TAB3: variants seen among roughly 807,000 people sequenced by gnomAD.
TAB3 encodes the protein TGF-beta-activated kinase 1 and MAP3K7-binding protein 3.
In TAB3, 18 loss-of-function variants were observed where a neutral mutation model predicts 48.1. The observed-to-expected ratio is 0.37, with a 90% confidence interval of 0.26 to 0.55. The LOEUF (loss-of-function observed/expected upper bound fraction) is 0.55. TAB3 is among the 20% of genes least tolerant of loss of function. TAB3 has a pLI of 0.78. For synonymous variants in TAB3, 185 were observed against 190.2 expected (o/e 0.97, Z 0.22); for missense variants, 414 against 549.8 (o/e 0.75, Z 2.47).
Position 30,831,593 on chromosome X carries a change from T to C in TAB3, c.1991-18A>G. On this transcript the variant is annotated intron_variant, in intron 10 of 10. Coordinates refer to ENST00000288422, the MANE Select transcript of TAB3 (RefSeq NM_152787.5). Reference sequence around the variant, plus strand: ...TCGATGCTCTGAGGGAGGTTAGGATTAAGGGGGAGGGGGAAGGTAAATAGA... The same window carrying C: ...TCGATGCTCTGAGGGAGGTTAGGATCAAGGGGGAGGGGGAAGGTAAATAGA... 2.5e-6 allele frequency: 3 copies of C among 1,202,645 alleles called. No homozygotes were observed. The highest frequency in any genetic ancestry group is 4.7e-4 in the Middle Eastern group (2 of 4,277).
At chrX:30,873,503 C>T (rs1190254436) in intron 1 of TAB3, among the ~76,000 whole-genome samples, 2 of 99,033 alleles carry the variant, frequency 2.0e-5, no homozygotes, top group African/African-American at 3.8e-5. Flanking sequence ...CCCGCCTGGG[C>T]GACAGAACGA....
In TAB3 at chrX:30,855,324, C is replaced by G; in HGVS notation, c.341G>C (p.Gly114Ala). ...DGHIDPQHAA[G>A]KQLICLVQEP... The stretch of plus-strand genomic sequence containing the variant: ...TTGAACTAAACATATCAGCTGTTTA[C>G]CTGCTGCATGCTGAGGATCAATATG... The change falls in exon 6 of 11, where the codon GGT becomes GCT. Residue 114 changes from glycine (G) to alanine (A), a missense_variant. Gly to Ala is a moderately conservative substitution (Grantham distance 60, BLOSUM62 0). Transcript: ENST00000288422. 8.3e-7 allele frequency: 1 copy of G among 1,211,569 alleles called. No homozygotes were observed. The highest frequency in any genetic ancestry group is 1.1e-6 in the Non-Finnish European group (1 of 895,455).
intron 6 of TAB3, among the ~76,000 whole-genome samples, chrX:30,853,777 CTATT>C (rs1938947310): frequency 8.9e-6 from 1 of 112,379 alleles, no homozygotes; most frequent in Non-Finnish European, 1.9e-5. Context: ...TGGATTCAAG[CTATT>C]CTCCTGCCTT....
In TAB3 at chrX:30,854,492, T is replaced by A. The variant is rs761953940; in HGVS notation, c.1173A>T (p.Pro391=). The A allele has an allele frequency of 2.5e-6, 3 of 1,211,464 alleles. No homozygotes were observed. The highest frequency in any genetic ancestry group is 3.4e-6 in the Non-Finnish European group (3 of 895,278). Residue 391 remains proline, a synonymous_variant, in exon 6 of 11, where the codon CCA becomes CCT. Coordinates refer to ENST00000288422, the MANE Select transcript of TAB3 (RefSeq NM_152787.5). ...NRSPSPISNQ[P]SPRNQHSLYT... is the part of the protein sequence containing the mutation. ...ACAGTGAGTGTTGATTCCGTGGAGA[T>A]GGTTGATTACTGATGGGTGAAGGAC... is the stretch of plus-strand genomic sequence containing the variant.
chrX:30,872,231 A>ACC (rs1189601278), intron 1 of TAB3, among the ~76,000 whole-genome samples: 1 of 112,086 alleles, frequency 8.9e-6, no homozygotes, highest in Non-Finnish European at 1.9e-5. Flanking sequence ...AGGTCTTTAA[A>ACC]ATTTAAAGGA....
At chrX:30,878,800 TAC>T (rs1374948211) in intron 1 of TAB3, among the ~76,000 whole-genome samples, 1 of 111,638 alleles carries the variant, frequency 9.0e-6, no homozygotes, top group Non-Finnish European at 1.9e-5. Context: ...ATACAAAAAA[TAC>T]ACAGTTAGAA....
At chrX:30,863,826 CAA>C (rs1055570165) in intron 4 of TAB3, among the ~76,000 whole-genome samples, 2 of 111,897 alleles carry the variant, frequency 1.8e-5, no homozygotes, top group African/African-American at 6.5e-5. Flanking sequence ...TTTAAAAACA[CAA>C]AGTTTTACAG....
rs756835723 is a variant in TAB3 at position 30,831,408 on chromosome X, G to C, written c.*19C>G. On this transcript the variant is annotated 3_prime_UTR_variant, in exon 11 of 11. Coordinates refer to ENST00000288422, the MANE Select transcript of TAB3 (RefSeq NM_152787.5). ...GTGCTCAAAGTTTCACTTTCAACCT[G>C]GCGCAGACTTTTCTGAATTCAGGTG... 16 of 1,200,250 alleles carry C rather than the reference G, an allele frequency of 1.3e-5. No homozygotes were observed. Among genetic ancestry groups the C allele is most frequent in the Non-Finnish European group, 1.7e-5 (15 of 889,711 alleles).
intron 9 of TAB3, among the ~76,000 whole-genome samples, chrX:30,839,176 CTTAATTTGT>C (rs1255595249): frequency 9.0e-6 from 1 of 111,186 alleles, no homozygotes; most frequent in South Asian, 3.8e-4. Flanking sequence ...CTTTTCTATT[CTTAATTTGT>C]TTAAAGTTTT....
rs1376813440 is a variant in TAB3, at chrX:30,855,938, ATATAAG to A, written c.103-382_103-377del. 8.0e-5 allele frequency among the ~76,000 whole-genome samples: 9 copies of A among 111,994 alleles called. No individual in the cohort carries two copies. The South Asian group carries it at 1.1e-3, about 14-fold the overall frequency. On this transcript the variant is annotated intron_variant, in intron 5 of 10. Coordinates refer to ENST00000288422, the MANE Select transcript of TAB3 (RefSeq NM_152787.5). ...TCTCGGATTCACCACAATTGCTGCA[ATATAAG>A]TATAAGTAATATCCATTATTAATAT...
In TAB3 at chrX:30,855,712, A is replaced by G. The variant is rs1309195774; in HGVS notation, c.103-150T>C. 7 of 538,881 alleles carry G rather than the reference A, an allele frequency of 1.3e-5. No homozygotes were observed. In the East Asian group the frequency reaches 2.6e-4, roughly 20 times the overall value. The allele number at this position is 538,881 out of a possible 1,213,427, so 44.4% of individuals were successfully genotyped here. On this transcript the variant is annotated intron_variant, in intron 5 of 10. Coordinates refer to ENST00000288422, the MANE Select transcript of TAB3 (RefSeq NM_152787.5). ...ACCACAAAAAACTTCATGGTCATCT[A>G]TCCTGAAAAGGAGACCCAAACGATT...
At chrX:30,886,456 CCA>C (rs912638248) in intron 1 of TAB3, among the ~76,000 whole-genome samples, 3 of 111,202 alleles carry the variant, frequency 2.7e-5, no homozygotes, top group African/African-American at 9.8e-5. Context: ...CTTATTCAGA[CCA>C]CAGATTGCCC....
intron 10 of TAB3, among the ~76,000 whole-genome samples, chrX:30,833,294 C>A (rs1030957313): frequency 1.8e-5 from 2 of 110,167 alleles, no homozygotes; most frequent in African/African-American, 3.3e-5. Flanking sequence ...AGAAAAGGAC[C>A]TCTTTTGTCT....
chrX:30,831,498 C>T lies in TAB3; in HGVS notation c.2068G>A (p.Asp690Asn). Residue 690 changes from aspartate to asparagine, a missense_variant, in exon 11 of 11, where the codon GAT becomes AAT. Physicochemically the swap from Asp to Asn is conservative, Grantham distance 23. Transcript: ENST00000288422. ...EDYEGAPWNC[D>N]SCTFLNHPAL... Reference sequence around the variant, plus strand: ...GGGTGGTTAAGAAAGGTGCAGCTATCACAATTCCATGGAGCCCCTTCGTAG... The same window carrying T: ...GGGTGGTTAAGAAAGGTGCAGCTATTACAATTCCATGGAGCCCCTTCGTAG... 8.3e-7 allele frequency: 1 copy of T among 1,211,326 alleles called. No homozygotes were observed. The highest frequency in any genetic ancestry group is 1.1e-6 in the Non-Finnish European group (1 of 895,330).
intron 1 of TAB3, among the ~76,000 whole-genome samples, chrX:30,880,053 G>A (rs137929593): frequency 9.0e-5 from 10 of 111,693 alleles, no homozygotes; most frequent in Non-Finnish European, 1.5e-4. Context: ...AATAAATGGC[G>A]TAGTGTATCA....
At chrX:30,846,189 T>C in intron 8 of TAB3, 1 of 552,272 alleles carries the variant, frequency 1.8e-6, no homozygotes, top group African/African-American at 2.4e-5. Flanking sequence ...GATACTCTGA[T>C]TTGGGATCCC....
At chrX:30,867,823 CT>C (rs1939456923) in intron 2 of TAB3, among the ~76,000 whole-genome samples, 1 of 111,174 alleles carries the variant, frequency 9.0e-6, no homozygotes, top group South Asian at 3.8e-4. Flanking sequence ...TGCTTATTTT[CT>C]TAAGTCAACA....
chrX:30,874,312 A>G (rs1464275100), intron 1 of TAB3, among the ~76,000 whole-genome samples: 1 of 112,536 alleles, frequency 8.9e-6, no homozygotes, highest in Non-Finnish European at 1.9e-5. Flanking sequence ...TGTGCTGTAT[A>G]AGATAATAAC....
rs887143084 is a variant in TAB3 at position 30,859,531 on chromosome X, A to G, written c.58T>C (p.Phe20Leu). ...IQVLHDLRQR[F>L]PEIPEGVVSQ... ...ACCACGCCCTCTGGAATTTCAGGGA[A>G]ACGTTGTCGAAGATCATGGAGAACC... Residue 20 changes from phenylalanine (F) to leucine (L), a missense_variant, in exon 5 of 11, where the codon TTC (phenylalanine) becomes CTC (leucine). By Grantham distance (22) the Phe-to-Leu change is conservative. Coordinates refer to ENST00000288422, the MANE Select transcript of TAB3 (RefSeq NM_152787.5). 8.3e-7 allele frequency: 1 copy of G among 1,208,555 alleles called. No individual in the cohort carries two copies. The highest frequency in any genetic ancestry group is 1.1e-6 in the Non-Finnish European group (1 of 894,731).
Sources: gnomAD v4.1 joint callset for allele counts (sites outside exome capture counted in the v4.1 genomes callset) on GRCh38, gnomAD v4.1.1 for gene constraint, MANE v1.5 for transcripts, NCBI Gene and HGNC (gene_info 2026-07-23, HGNC 2026-07-21) for gene names.